The following COMMD10 variants were observed in gnomAD, a reference collection of about 807,000 sequenced individuals.
COMMD10 encodes the protein COMM domain-containing protein 10.
Under a neutral mutation model 28.9 loss-of-function variants are expected in COMMD10, and 33 were observed. That is an observed-to-expected ratio of 1.14 (90% CI 0.87 to 1.53). The LOEUF (loss-of-function observed/expected upper bound fraction) is 1.53, where lower values mean the gene tolerates loss of function less well. COMMD10 is among the 40% of genes most tolerant of loss of function. The probability of loss-of-function intolerance (pLI) is 0.00; values close to 1 mark genes in which losing one functional copy is unlikely to be tolerated. For missense variants in COMMD10, 310 were observed against 233.4 expected, an observed-to-expected ratio of 1.33 and a Z score of -2.14; for synonymous variants, 110 against 81.7, an observed-to-expected ratio of 1.35 and a Z score of -1.87.
chr5:116,202,277 G>T (rs1338551448), intron 5 of COMMD10, among the ~76,000 whole-genome samples: 1 of 151,412 alleles, frequency 6.6e-6, no homozygotes, highest in South Asian at 2.1e-4. Flanking sequence ...TCTTAATCCA[G>T]TCTATCATTG....
At chr5:116,149,984 T>A (rs1752466894) in intron 5 of COMMD10, among the ~76,000 whole-genome samples, 1 of 152,152 alleles carries the variant, frequency 6.6e-6, no homozygotes, top group African/African-American at 2.4e-5. Flanking sequence ...GTTTTTATGG[T>A]TTTAGGTCTA....
intron 5 of COMMD10, among the ~76,000 whole-genome samples, chr5:116,162,184 A>G (rs2112568442): frequency 6.6e-6 from 1 of 152,322 alleles, no homozygotes; most frequent in East Asian, 1.9e-4. Context: ...TAAGTACAAT[A>G]ATTTATAGAT....
At chr5:116,171,670 C>A (rs748519402) in intron 5 of COMMD10, among the ~76,000 whole-genome samples, 2 of 152,060 alleles carry the variant, frequency 1.3e-5, no homozygotes, top group Non-Finnish European at 2.9e-5. Context: ...GAGTTTATGT[C>A]CTTTGCAGCA....
chr5:116,193,257 A>G (rs987094869), intron 5 of COMMD10, among the ~76,000 whole-genome samples: 1 of 152,186 alleles, frequency 6.6e-6, no homozygotes, highest in Non-Finnish European at 1.5e-5. Flanking sequence ...ACACCTTAAA[A>G]AGCAAAAACA....
chr5:116,186,081 T>G (rs1748126704), intron 5 of COMMD10, among the ~76,000 whole-genome samples: 1 of 152,176 alleles, frequency 6.6e-6, no homozygotes, highest in African/African-American at 2.4e-5. Flanking sequence ...CCATCTTCAT[T>G]ATCTTTCTCC....
intron 5 of COMMD10, among the ~76,000 whole-genome samples, chr5:116,167,750 A>G (rs1753180035): frequency 6.6e-6 from 1 of 152,222 alleles, no homozygotes; most frequent in South Asian, 2.1e-4. Flanking sequence ...TAAGTGAAGG[A>G]GAAATAAAAT....
Position 116,254,472 on chromosome 5 carries a change from C to T in COMMD10, c.511-37045C>T, listed in dbSNP as rs368576156. Among the ~76,000 whole-genome samples, 253 of 150,958 alleles carry T rather than the reference C, an allele frequency of 1.7e-3. 2 individuals carry two copies. The highest frequency in any genetic ancestry group is 3.5e-3 in the African/African-American group (141 of 40,666). ...TTCCCTCTACACACTGCTTTGAATGCGTCCCAGAGATTCTGGTATGTTGTG... is the reference window on the plus strand; with the variant it reads ...TTCCCTCTACACACTGCTTTGAATGTGTCCCAGAGATTCTGGTATGTTGTG... On this transcript the variant is annotated intron_variant, in intron 5 of 6. Coordinates refer to ENST00000274458, the MANE Select transcript of COMMD10 (RefSeq NM_016144.4).
At chr5:116,212,894 CAT>C (rs1420992243) in intron 5 of COMMD10, among the ~76,000 whole-genome samples, 2 of 151,934 alleles carry the variant, frequency 1.3e-5, no homozygotes, top group Non-Finnish European at 2.9e-5. Flanking sequence ...AAATTTATGT[CAT>C]GTGGTTTTTT....
At chr5:116,202,026 A>G (rs957769971) in intron 5 of COMMD10, among the ~76,000 whole-genome samples, 1 of 142,322 alleles carries the variant, frequency 7.0e-6, no homozygotes, top group South Asian at 2.5e-4. Flanking sequence ...TCCTAATGCT[A>G]TCTCTCCCCC....
intron 2 of COMMD10, among the ~76,000 whole-genome samples, chr5:116,090,832 G>T (rs1348493415): frequency 2.6e-5 from 4 of 152,164 alleles, no homozygotes; most frequent in Non-Finnish European, 5.9e-5. Context: ...TTAGCACAGG[G>T]CTCTGATGCT....
chr5:116,157,670 A>G (rs367591516), intron 5 of COMMD10, among the ~76,000 whole-genome samples: 2 of 152,230 alleles, frequency 1.3e-5, no homozygotes, highest in East Asian at 1.9e-4. Context: ...TTGATGGAAC[A>G]TGCTGCAAAG....
chr5:116,113,235 A>C (rs1290358344), intron 4 of COMMD10, among the ~76,000 whole-genome samples: 3 of 152,006 alleles, frequency 2.0e-5, no homozygotes, highest in African/African-American at 7.3e-5. Flanking sequence ...TCTTGATTGT[A>C]GAATTTGTTC....
chr5:116,184,051 A>C (rs1441961307), intron 5 of COMMD10, among the ~76,000 whole-genome samples: 1 of 152,140 alleles, frequency 6.6e-6, no homozygotes. Flanking sequence ...AATTCCAAAT[A>C]CTAAATTACT....
At chr5:116,266,561 CTT>C (rs1380227573) in intron 5 of COMMD10, among the ~76,000 whole-genome samples, 1 of 151,796 alleles carries the variant, frequency 6.6e-6, no homozygotes, top group Non-Finnish European at 1.5e-5. Flanking sequence ...CTATTACACT[CTT>C]TAATTTAAAT....
chr5:116,130,207 G>A (rs1338292677), intron 4 of COMMD10, among the ~76,000 whole-genome samples: 3 of 151,788 alleles, frequency 2.0e-5, no homozygotes, highest in East Asian at 1.9e-4. Context: ...TGTGCTTACT[G>A]TATGCGGGAC....
intron 1 of COMMD10, among the ~76,000 whole-genome samples, chr5:116,086,969 C>G (rs1373794466): frequency 1.3e-5 from 2 of 152,118 alleles, no homozygotes; most frequent in East Asian, 3.9e-4. Flanking sequence ...AGAGTAAGAC[C>G]CTATCTCAAA....
At chr5:116,191,483 T>G (rs1442575559) in intron 5 of COMMD10, among the ~76,000 whole-genome samples, 2 of 151,690 alleles carry the variant, frequency 1.3e-5, no homozygotes, top group African/African-American at 2.4e-5. Context: ...GCCCTTTGGT[T>G]TGCATAAGAG....
intron 4 of COMMD10, among the ~76,000 whole-genome samples, chr5:116,112,243 A>T (rs549777060): frequency 1.9e-3 from 283 of 152,224 alleles, no homozygotes; most frequent in African/African-American, 4.7e-3. Flanking sequence ...TTTTTATTTT[A>T]AAGTATGCTT....
At chr5:116,217,226 G>C (rs1749128996) in intron 5 of COMMD10, among the ~76,000 whole-genome samples, 1 of 149,926 alleles carries the variant, frequency 6.7e-6, no homozygotes, top group Admixed American at 6.6e-5. Flanking sequence ...ACTGTATCCA[G>C]CTTTATTAAA....
Sources: allele counts gnomAD v4.1 joint callset (sites outside exome capture counted in the v4.1 genomes callset), GRCh38; gene constraint gnomAD v4.1.1; transcripts MANE v1.5; gene names NCBI Gene and HGNC (gene_info 2026-07-23, HGNC 2026-07-21).